The following NRG3 variants were observed in gnomAD, a reference collection of about 807,000 sequenced individuals.
NRG3 encodes pro-neuregulin-3, membrane-bound isoform.
Under a neutral mutation model 66.9 loss-of-function variants are expected in NRG3, and 31 were observed. The observed-to-expected ratio is 0.46, with a 90% CI of 0.35 to 0.63. The LOEUF is 0.63. NRG3 is among the 20% of genes least tolerant of loss of function. NRG3 has a pLI of 0.00. For synonymous variants in NRG3, 393 were observed against 359.4 expected (o/e 1.09, Z -1.06); for missense variants, 910 against 878.9 (o/e 1.04, Z -0.45).
intron 2 of NRG3, among the ~76,000 whole-genome samples, chr10:82,650,749 C>T (rs893775089): frequency 5.3e-5 from 8 of 152,236 alleles, no homozygotes; most frequent in East Asian, 1.9e-4. Context: ...CACATCATCA[C>T]GTAATTGTTT....
At chr10:82,225,235 T>C (rs2076112381) in intron 1 of NRG3, among the ~76,000 whole-genome samples, 1 of 152,188 alleles carries the variant, frequency 6.6e-6, no homozygotes, top group African/African-American at 2.4e-5. Flanking sequence ...ACTACGGTAT[T>C]AACACCTAAA....
chr10:82,855,565 TTTTCGTA>T lies in NRG3; in HGVS notation c.1028-9842_1028-9836del, dbSNP rs1340440620. ...AGCACACACCACCATGCCCGGCTGA[TTTTCGTA>T]TTTTTTGTAGAAATGGAGTTTAGTT... On this transcript the variant is annotated intron_variant, in intron 3 of 8. Coordinates refer to ENST00000372141, the MANE Select transcript of NRG3 (RefSeq NM_001010848.4). 2.6e-5 allele frequency among the ~76,000 whole-genome samples: 4 copies of T among 152,168 alleles called. No homozygotes were observed. The East Asian group carries it at 5.8e-4, about 22-fold the overall frequency.
At chr10:82,735,505 C>A (rs1442457814) in intron 2 of NRG3, among the ~76,000 whole-genome samples, 1 of 152,120 alleles carries the variant, frequency 6.6e-6, no homozygotes, top group Non-Finnish European at 1.5e-5. Context: ...TAGGAACCAA[C>A]CAAAATGCCT....
chr10:82,950,089 A>G (rs1339471586), intron 4 of NRG3, among the ~76,000 whole-genome samples: 3 of 152,160 alleles, frequency 2.0e-5, no homozygotes, highest in Non-Finnish European at 4.4e-5. Context: ...TACTCACTCC[A>G]GATCTACTAA....
At chr10:82,319,673 C>A (rs946251723) in intron 1 of NRG3, among the ~76,000 whole-genome samples, 4 of 152,164 alleles carry the variant, frequency 2.6e-5, no homozygotes, top group African/African-American at 9.6e-5. Context: ...CCTCTGCCAG[C>A]ACCCAGAGGC....
intron 1 of NRG3, among the ~76,000 whole-genome samples, chr10:82,239,288 C>A (rs1274453065): frequency 6.6e-6 from 1 of 151,984 alleles, no homozygotes; most frequent in African/African-American, 2.4e-5. Flanking sequence ...GTTACCCAGG[C>A]GGGACCATAG....
intron 1 of NRG3, among the ~76,000 whole-genome samples, chr10:81,892,945 C>A (rs986405340): frequency 2.0e-5 from 3 of 152,094 alleles, no homozygotes; most frequent in Admixed American, 6.5e-5. Context: ...AATATATGCA[C>A]CTACTCTGTA....
chr10:82,628,450 G>C (rs996822456), intron 2 of NRG3, among the ~76,000 whole-genome samples: 2 of 152,094 alleles, frequency 1.3e-5, no homozygotes, highest in African/African-American at 4.8e-5. Flanking sequence ...ATTTGAGTTG[G>C]CTCTCACCAT....
intron 2 of NRG3, among the ~76,000 whole-genome samples, chr10:82,696,791 A>G (rs1183954613): frequency 1.3e-5 from 2 of 152,242 alleles, no homozygotes; most frequent in African/African-American, 4.8e-5. Flanking sequence ...ATGAGCAAGC[A>G]GAGAGATATG....
intron 2 of NRG3, among the ~76,000 whole-genome samples, chr10:82,408,761 A>G (rs114308138): frequency 1.5e-3 from 232 of 151,810 alleles, no homozygotes; most frequent in African/African-American, 5.4e-3. Flanking sequence ...AGATACCATG[A>G]TAATAATAAC....
chr10:81,968,739 A>T (rs183876400), intron 1 of NRG3, among the ~76,000 whole-genome samples: 79 of 152,288 alleles, frequency 5.2e-4, no homozygotes, highest in Non-Finnish European at 8.1e-4. Context: ...AAGAGCTTGG[A>T]AAAAGTTAAA....
chr10:82,780,310 T>A (rs1405102296), intron 3 of NRG3, among the ~76,000 whole-genome samples: 1 of 152,172 alleles, frequency 6.6e-6, no homozygotes. Context: ...TCTTCCACAA[T>A]GGTTGAACTA....
At chr10:82,693,984 A>G (rs948728684) in intron 2 of NRG3, among the ~76,000 whole-genome samples, 1 of 152,170 alleles carries the variant, frequency 6.6e-6, no homozygotes, top group Non-Finnish European at 1.5e-5. Flanking sequence ...CAGAGTGCTG[A>G]TTTGTCCATT....
chr10:82,684,533 C>CAA (rs377279657), intron 2 of NRG3, among the ~76,000 whole-genome samples: 4 of 149,472 alleles, frequency 2.7e-5, no homozygotes, highest in African/African-American at 7.4e-5. Flanking sequence ...ATTGATGGAA[C>CAA]AAAAAAAAAC....
chr10:82,457,905 G>T (rs903495776), intron 2 of NRG3, among the ~76,000 whole-genome samples: 2 of 152,188 alleles, frequency 1.3e-5, no homozygotes, highest in Non-Finnish European at 2.9e-5. Context: ...CTTAAGGAGG[G>T]TCTAGCACCC....
intron 2 of NRG3, among the ~76,000 whole-genome samples, chr10:82,489,394 A>G (rs772172104): frequency 1.3e-5 from 2 of 152,180 alleles, no homozygotes; most frequent in African/African-American, 4.8e-5. Context: ...AAGCTTCTCT[A>G]TGGCTGGTAT....
At chr10:82,536,862 AT>A (rs574036328) in intron 2 of NRG3, among the ~76,000 whole-genome samples, 3 of 151,210 alleles carry the variant, frequency 2.0e-5, no homozygotes, top group Non-Finnish European at 3.0e-5. Flanking sequence ...ATTATTAAAT[AT>A]TTTTATTATT....
At chr10:82,319,455 C>T (rs1156755527) in intron 1 of NRG3, among the ~76,000 whole-genome samples, 2 of 152,216 alleles carry the variant, frequency 1.3e-5, no homozygotes, top group Non-Finnish European at 2.9e-5. Flanking sequence ...TAGAGGCATG[C>T]AATTTGCATG....
At chr10:82,854,464 T>C (rs2063711301) in intron 3 of NRG3, among the ~76,000 whole-genome samples, 3 of 152,188 alleles carry the variant, frequency 2.0e-5, no homozygotes, top group South Asian at 4.1e-4. Context: ...TCTTTATTTT[T>C]TGTTGTTTAA....
Sources: gnomAD v4.1 joint callset for allele counts (sites outside exome capture counted in the v4.1 genomes callset) on GRCh38, gnomAD v4.1.1 for gene constraint, MANE v1.5 for transcripts, NCBI Gene and HGNC (gene_info 2026-07-23, HGNC 2026-07-21) for gene names.